The following C3 variants were observed in gnomAD, a reference collection of about 807,000 sequenced individuals.
C3 encodes the protein C3 and PZP-like alpha-2-macroglobulin domain-containing protein 1.
Under a neutral mutation model 207.9 loss-of-function variants are expected in C3, and 97 were observed. That is an observed-to-expected ratio of 0.47 (90% CI 0.40 to 0.55). The LOEUF (loss-of-function observed/expected upper bound fraction) is 0.55. Ranked by LOEUF, C3 falls within the 20% of genes least tolerant of loss-of-function variation. C3 has a pLI of 0.00. For missense variants in C3, 1,684 were observed against 2,171.7 expected (o/e 0.78, Z 4.46); for synonymous variants, 848 against 857.6 (o/e 0.99, Z 0.20).
intron 29 of C3, 88 bp downstream of exon 29, chr19:6,686,036 C>G: frequency 7.4e-7 from 1 of 1,348,094 alleles, no homozygotes; most frequent in Non-Finnish European, 1.1e-6. Context: ...AGAACTGCCT[C>G]GCTGGGCCTC....
intron 24 of C3, 51 bp from the exon 25 acceptor site, chr19:6,693,538 G>A (rs750341767): frequency 8.4e-6 from 13 of 1,549,680 alleles, no homozygotes; most frequent in African/African-American, 4.1e-5. Flanking sequence ...GAGCAGAGGG[G>A]GCACGCCAGA....
intron 4 of C3, chr19:6,717,739 T>C: frequency 2.8e-6 from 1 of 355,740 alleles, no homozygotes; most frequent in Non-Finnish European, 5.0e-6. Context: ...GTGTGTGTTG[T>C]GTGTTGTGTG....
intron 33 of C3, chr19:6,683,446 A>ATTTTTTTTTTTTTTTTTTTTTT (rs770744810): frequency 3.2e-5 from 3 of 93,428 alleles, no homozygotes; most frequent in Non-Finnish European, 5.9e-5. Flanking sequence ...GTTTTATTCT[A>ATTTTTTTTTTTTTTTTTTTTTT]TTTTTTTTTT....
chr19:6,689,368 T>C (rs1044024191), intron 27 of C3, among the ~76,000 whole-genome samples: 5 of 108,202 alleles, frequency 4.6e-5, no homozygotes, highest in East Asian at 6.3e-4. Flanking sequence ...TCCCTCTCTC[T>C]CTCTCTCTCT....
intron 17 of C3, among the ~76,000 whole-genome samples, chr19:6,705,340 C>CTCT (rs370147369): frequency 6.9e-5 from 10 of 144,094 alleles, no homozygotes; most frequent in African/African-American, 2.5e-4. Flanking sequence ...TTTTCTCTCT[C>CTCT]TTTTTTTTTT....
chr19:6,679,387 C>A lies in C3; in HGVS notation c.4546+20G>T. On this transcript the variant is annotated intron_variant, in intron 37 of 40. Coordinates refer to ENST00000245907, the MANE Select transcript of C3 (RefSeq NM_000064.4). The stretch of plus-strand genomic sequence containing the variant: ...TGTGGCTTGCTCAGACCCACCTGTT[C>A]CCGGCTCCAGGGAACTCACCCTCAG... The A allele has an allele frequency of 1.2e-6, 2 of 1,601,536 alleles. No homozygotes were observed. The highest frequency in any genetic ancestry group is 2.2e-5 in the South Asian group (2 of 90,836).
rs1256371893 is a variant in C3 at position 6,713,397 on chromosome 19, T to C, written c.876+10A>G. The C allele has an allele frequency of 6.2e-7, 1 of 1,613,564 alleles. No individual in the cohort carries two copies. Among genetic ancestry groups the C allele is most frequent in the Non-Finnish European group, 8.5e-7 (1 of 1,179,770 alleles). ...GGGGCAGGGATCAAAGCGGCCTCCG[T>C]CTATGGTACCGGAATGCGCTTGAGG... is the stretch of plus-strand genomic sequence containing the variant. On this transcript the variant is annotated intron_variant, in intron 8 of 40. Coordinates refer to ENST00000245907, the MANE Select transcript of C3 (RefSeq NM_000064.4).
intron 33 of C3, 126 bp from the exon 34 acceptor site, chr19:6,682,355 G>A (rs546476846): frequency 1.6e-4 from 114 of 735,266 alleles, no homozygotes; most frequent in Non-Finnish European, 1.6e-4. Context: ...ACAGAGGGGC[G>A]TTACATTTTT....
rs1431734112 is a variant in C3, at chr19:6,714,368, T to C, written c.583A>G (p.Ile195Val). The C allele has an allele frequency of 6.2e-7, 1 of 1,613,722 alleles. No homozygotes were observed. The highest frequency in any genetic ancestry group is 8.5e-7 in the Non-Finnish European group (1 of 1,179,922). The change falls in exon 5 of 41, where the codon ATT becomes GTT. Residue 195 changes from isoleucine to valine, a missense_variant. This residue lies in a region of C3 where 1,280 missense variants were observed against 1,739.1 expected (regional missense o/e 0.74). Transcript: ENST00000245907. ...QLGVLPLSWD[I>V]PELVNMGQWK... is the part of the protein sequence containing the mutation. ...CTGACATACTTGACGAGTTCCGGAA[T>C]GTCCCAAGACAAGGGCAAGACGCCA...
chr19:6,707,945 G>A lies in C3; in HGVS notation c.1846-16C>T, dbSNP rs763506978. Reference sequence around the variant, plus strand: ...CGTCCCAGATCTGCGGGGGGCATAGGGGTGGCGGGACGCAGGGAGGCCAGG... The same window carrying A: ...CGTCCCAGATCTGCGGGGGGCATAGAGGTGGCGGGACGCAGGGAGGCCAGG... On this transcript the variant is annotated splice_polypyrimidine_tract_variant and intron_variant, in intron 14 of 40. Transcript: ENST00000245907. The A allele has an allele frequency of 2.5e-6, 4 of 1,613,286 alleles. No homozygotes were observed.
chr19:6,691,275 A>T (rs1445873503), intron 26 of C3, among the ~76,000 whole-genome samples: 3 of 151,740 alleles, frequency 2.0e-5, no homozygotes, highest in African/African-American at 7.3e-5. Flanking sequence ...CTGGTCCCGA[A>T]CTCCTGACCT....
At chr19:6,716,097 A>AT (rs35530833) in intron 4 of C3, among the ~76,000 whole-genome samples, 18 of 151,904 alleles carry the variant, frequency 1.2e-4, no homozygotes, top group South Asian at 4.2e-4. Flanking sequence ...TAATTTTTAC[A>AT]TTTTTTTTGT....
Position 6,694,567 on chromosome 19 carries a change from G to T in C3, c.3018C>A (p.Thr1006=). Residue 1006 remains threonine (T), a synonymous_variant, in exon 24 of 41, where the codon ACC becomes ACA. Coordinates refer to ENST00000245907, the MANE Select transcript of C3 (RefSeq NM_000064.4). ...DAERLKHLIV[T]PSGCGEQNMI... is the part of the protein sequence containing the mutation. ...TGTTCTGTTCCCCGCAGCCCGAGGG[G>T]GTCACAATGAGGTGCTTCAGCCGTT... The T allele has an allele frequency of 1.2e-6, 2 of 1,614,080 alleles. No homozygotes were observed. The highest frequency in any genetic ancestry group is 1.1e-5 in the South Asian group (1 of 91,080).
intron 14 of C3, 92 bp downstream of exon 14, chr19:6,709,592 A>T: frequency 1.5e-6 from 2 of 1,375,286 alleles, no homozygotes; most frequent in South Asian, 1.2e-5. Flanking sequence ...CATGCCCCCC[A>T]CTGCACTGCC....
At chr19:6,713,362 G>C in intron 8 of C3, 45 bp downstream of exon 8, 1 of 1,613,896 alleles carries the variant, frequency 6.2e-7, no homozygotes, top group Non-Finnish European at 8.5e-7. Flanking sequence ...GCTCAGAGGT[G>C]GCGGGGACTG....
chr19:6,684,289 G>GA (rs1321739947), intron 33 of C3, 99 bp downstream of exon 33: 2 of 928,720 alleles, frequency 2.2e-6, no homozygotes, highest in Non-Finnish European at 3.6e-6. Flanking sequence ...GATACACAGT[G>GA]TACTTGGAAA....
rs366510 is a variant in C3, at chr19:6,697,818, G to T, written c.2441-24C>A. ...CCCTGCTCGGGCAGAGACAGAACAC[G>T]GAGTGTCAAGGTCGGGGAGTGGACA... On this transcript the variant is annotated intron_variant, in intron 19 of 40. Transcript: ENST00000245907. 1,024,185 of 1,604,534 alleles carry T rather than the reference G, an allele frequency of 0.64. 330,681 individuals carry two copies. Among genetic ancestry groups the T allele is most frequent in the East Asian group, 0.86 (38,447 of 44,590 alleles).
chr19:6,681,877 G>T, intron 35 of C3, 64 bp downstream of exon 35: 2 of 1,196,658 alleles, frequency 1.7e-6, no homozygotes, highest in South Asian at 1.2e-5. Flanking sequence ...GGAAAAGAAA[G>T]ACCAGCCAGA....
chr19:6,693,128 A>G, intron 25 of C3, 45 bp from the exon 26 acceptor site: 1 of 1,606,270 alleles, frequency 6.2e-7, no homozygotes. Flanking sequence ...TGAGATCCAG[A>G]GACTGCCATG....
Sources: gnomAD v4.1 joint callset for allele counts (sites outside exome capture counted in the v4.1 genomes callset) on GRCh38, gnomAD v4.1.1 for gene constraint, gnomAD v4.1.1 regional missense constraint, MANE v1.5 for transcripts, NCBI Gene and HGNC (gene_info 2026-07-23, HGNC 2026-07-21) for gene names.